The following TRRAP variants were observed in gnomAD, a reference collection of about 807,000 sequenced individuals.
TRRAP encodes the protein transformation/transcription domain associated protein, also known as transformation/transcription domain-associated protein.
A neutral mutation model predicts 438.8 loss-of-function variants in TRRAP; 41 were observed. The ratio of observed to expected loss-of-function variants is 0.09; its 90% CI spans 0.07 to 0.12. The LOEUF is 0.12. Ranked by LOEUF, TRRAP falls within the 10% of genes least tolerant of loss-of-function variation. The probability of loss-of-function intolerance (pLI) is 1.00; values close to 1 mark genes in which losing one functional copy is unlikely to be tolerated. For missense variants in TRRAP, 3,122 were observed against 5,055.1 expected (o/e 0.62, Z 11.60); for synonymous variants, 1,994 against 1,962.9 (o/e 1.02, Z -0.42).
At chr7:99,007,986 C>T (rs542219225) in intron 69 of TRRAP, among the ~76,000 whole-genome samples, 9 of 151,814 alleles carry the variant, frequency 5.9e-5, no homozygotes, top group East Asian at 2.0e-4. Flanking sequence ...CCACCACTCC[C>T]GGCTAATTTT....
At chr7:98,972,032 CT>C in intron 53 of TRRAP, 87 bp downstream of exon 53, 1 of 1,478,788 alleles carries the variant, frequency 6.8e-7, no homozygotes, top group South Asian at 1.4e-5. Context: ...AGCAGTGTAA[CT>C]TTTTCTGTTT....
chr7:98,880,635 G>A (rs1795386800), intron 1 of TRRAP, among the ~76,000 whole-genome samples: 1 of 152,140 alleles, frequency 6.6e-6, no homozygotes, highest in South Asian at 2.1e-4. Flanking sequence ...AAAGAGGAAG[G>A]ATATTTCATG....
At chr7:98,975,227 A>G (rs1792602709) in intron 53 of TRRAP, among the ~76,000 whole-genome samples, 1 of 152,194 alleles carries the variant, frequency 6.6e-6, no homozygotes, top group East Asian at 1.9e-4. Context: ...AAAGATTTGT[A>G]TCCTTGGTGT....
rs896070455 is a variant in TRRAP at position 98,976,761 on chromosome 7, G to A, written c.8238G>A (p.Pro2746=). The A allele has an allele frequency of 5.6e-6, 9 of 1,612,832 alleles. No individual in the cohort carries two copies. The highest frequency in any genetic ancestry group is 5.5e-5 in the South Asian group (5 of 91,074). ...TEFYEQESIT[P]PQQEILDSLA... ...TTTATGAGCAGGAGAGCATCACCCC[G>A]CCGCAGCAGGTGAGGGTGCGCCTCA... Residue 2746 remains proline, a synonymous_variant, in exon 55 of 73, where the codon CCG becomes CCA. Transcript: ENST00000456197. The surrounding 1 kb of genome is among the most constrained non-coding windows in gnomAD (Gnocchi z 4.6).
At position 98,958,051 on chromosome 7, in the gene TRRAP, C is replaced by G; in HGVS notation, c.6302C>G (p.Thr2101Arg). The G allele has an allele frequency of 1.2e-6, 2 of 1,614,214 alleles. No individual in the cohort carries two copies. Among genetic ancestry groups the G allele is most frequent in the Non-Finnish European group, 1.7e-6 (2 of 1,180,032 alleles). The change falls in exon 44 of 73, where the codon ACA (threonine) becomes AGA (arginine). Residue 2101 changes from threonine to arginine, a missense_variant. This residue lies in a region of TRRAP where 992 missense variants were observed against 1,281.2 expected (regional missense o/e 0.77). Coordinates refer to ENST00000456197, the MANE Select transcript of TRRAP (RefSeq NM_001375524.1). ...LLAKPIDKQH[T>R]DTVVNFLIRV... is the part of the protein sequence containing the mutation. Reference sequence around the variant, plus strand: ...GCCAAGCCCATTGACAAGCAGCACACAGACACTGTGGTGAACTTCCTTATC... The same window carrying G: ...GCCAAGCCCATTGACAAGCAGCACAGAGACACTGTGGTGAACTTCCTTATC...
intron 6 of TRRAP, among the ~76,000 whole-genome samples, chr7:98,894,713 A>G (rs1281789302): frequency 1.3e-5 from 2 of 151,172 alleles, no homozygotes; most frequent in African/African-American, 2.4e-5. Flanking sequence ...CCCGGATTCA[A>G]GCGATTCTCC....
intron 18 of TRRAP, among the ~76,000 whole-genome samples, chr7:98,914,020 C>G (rs1789404213): frequency 1.3e-5 from 2 of 152,174 alleles, no homozygotes; most frequent in Admixed American, 1.3e-4. Flanking sequence ...CTCCAGTAAC[C>G]TGTGCTTTCC....
At chr7:98,943,160 G>C (rs1790882503) in intron 31 of TRRAP, 143 bp downstream of exon 31, 1 of 761,132 alleles carries the variant, frequency 1.3e-6, no homozygotes, top group East Asian at 2.7e-5. Context: ...AAACACATTT[G>C]ATTGGTATTC....
At chr7:98,928,609 CTG>C (rs1483719746) in intron 23 of TRRAP, among the ~76,000 whole-genome samples, 1 of 152,206 alleles carries the variant, frequency 6.6e-6, no homozygotes, top group Non-Finnish European at 1.5e-5. Flanking sequence ...CTGTGGCCGA[CTG>C]TTCTCTGCCA....
At chr7:98,999,456 T>C in intron 67 of TRRAP, 2 of 853,260 alleles carry the variant, frequency 2.3e-6, no homozygotes, top group Non-Finnish European at 4.0e-6. Flanking sequence ...GGGCTTGAGC[T>C]ATCCTTCTCG....
chr7:98,945,805 G>A lies in TRRAP; in HGVS notation c.4527+5G>A. ...TCTCCATTCTGTCAGTTTGAGGTGAGAACAACCTATTAACAGTCAGTTTCT... is the reference window on the plus strand; with the variant it reads ...TCTCCATTCTGTCAGTTTGAGGTGAAAACAACCTATTAACAGTCAGTTTCT... On this transcript the variant is annotated splice_donor_5th_base_variant and intron_variant, in intron 32 of 72. Transcript: ENST00000456197. The A allele has an allele frequency of 6.3e-7, 1 of 1,598,132 alleles. No individual in the cohort carries two copies.
chr7:98,897,848 G>A lies in TRRAP; in HGVS notation c.615G>A (p.Glu205=), dbSNP rs143711528. 396 of 1,614,004 alleles carry A rather than the reference G, an allele frequency of 2.5e-4. No individual in the cohort carries two copies. In the African/African-American group the frequency reaches 4.1e-3, roughly 17 times the overall value. ...TIAVKVNPER[E]DSETRTHSII... Reference sequence around the variant, plus strand: ...CTGTGAAAGTCAACCCGGAGCGTGAGGACAGTGAGACTCGAACAGTAAGTG... The same window carrying A: ...CTGTGAAAGTCAACCCGGAGCGTGAAGACAGTGAGACTCGAACAGTAAGTG... Residue 205 remains glutamate, a synonymous_variant, in exon 8 of 73, where the codon GAG becomes GAA. Coordinates refer to ENST00000456197, the MANE Select transcript of TRRAP (RefSeq NM_001375524.1).
chr7:98,896,955 C>T (rs1179363909), intron 7 of TRRAP, among the ~76,000 whole-genome samples: 2 of 151,862 alleles, frequency 1.3e-5, no homozygotes, highest in African/African-American at 2.4e-5. Context: ...TGTGTTTTGG[C>T]CAGGGGCAGT....
intron 45 of TRRAP, among the ~76,000 whole-genome samples, chr7:98,960,981 A>T (rs781601807): frequency 4.6e-5 from 7 of 152,200 alleles, no homozygotes; most frequent in East Asian, 1.9e-4. Context: ...TCATTGCAGG[A>T]ACTTTTTTAG....
chr7:98,984,727 T>TAAG (rs2116767644), intron 61 of TRRAP, among the ~76,000 whole-genome samples: 1 of 152,338 alleles, frequency 6.6e-6, no homozygotes, highest in East Asian at 1.9e-4. Context: ...ATAAGACCCC[T>TAAG]AAGTATTTAG....
rs782727956 is a variant in TRRAP, at chr7:98,949,395, T to C, written c.4789-22T>C. 35 of 1,500,254 alleles carry C rather than the reference T, an allele frequency of 2.3e-5. No homozygotes were observed. The South Asian group carries it at 3.2e-4, about 14-fold the overall frequency. 92.9% of individuals were successfully genotyped at this position (1,500,254 alleles called of 1,614,324 possible). ...TGAGTTTGATTAGCTTAAAACGGCT[T>C]TTCTATTTGTTTTGCTTTCAGAGTT... is the stretch of plus-strand genomic sequence containing the variant. On this transcript the variant is annotated intron_variant, in intron 35 of 72. Transcript: ENST00000456197.
rs1404904554 is a variant in TRRAP, at chr7:98,994,335, GGCTTTTCTGTTTTC to G, written c.10048-245_10048-232del. ...ACGGGTGTATGATCCAAAAAAGTGG[GGCTTTTCTGTTTTC>G]GCTTTTTGAATGTTCAGGTCCCTTA... On this transcript the variant is annotated intron_variant, in intron 66 of 72. Coordinates refer to ENST00000456197, the MANE Select transcript of TRRAP (RefSeq NM_001375524.1). The surrounding 1 kb of genome is among the most constrained non-coding windows in gnomAD (Gnocchi z 4.8). 6.6e-6 allele frequency among the ~76,000 whole-genome samples: 1 copy of G among 152,130 alleles called. No homozygotes were observed. The highest frequency in any genetic ancestry group is 1.5e-5 in the Non-Finnish European group (1 of 68,026).
rs185438868 is a variant in TRRAP at position 98,884,597 on chromosome 7, G to A, written c.150+2573G>A. ...CTTCAGGCAGTGTCACCCTGTGTGT[G>A]TGCAGTCCAGCCCTCAGCTGTCCTC... is the stretch of plus-strand genomic sequence containing the variant. On this transcript the variant is annotated intron_variant, in intron 3 of 72. Coordinates refer to ENST00000456197, the MANE Select transcript of TRRAP (RefSeq NM_001375524.1). 2.1e-3 allele frequency among the ~76,000 whole-genome samples: 318 copies of A among 152,302 alleles called. 1 individual carries two copies. The highest frequency in any genetic ancestry group is 7.3e-3 in the African/African-American group (303 of 41,564).
At position 98,950,098 on chromosome 7, in the gene TRRAP, C is replaced by A. The variant is rs1791265333; in HGVS notation, c.5170C>A (p.Leu1724Met). 1 of 1,614,252 alleles carries A rather than the reference C, an allele frequency of 6.2e-7. No homozygotes were observed. Among genetic ancestry groups the A allele is most frequent in the African/African-American group, 1.3e-5 (1 of 75,062 alleles). The change falls in exon 38 of 73, where the codon CTG becomes ATG. Residue 1724 changes from leucine to methionine, a missense_variant. Physicochemically the swap from Leu to Met is conservative, Grantham distance 15. Coordinates refer to ENST00000456197, the MANE Select transcript of TRRAP (RefSeq NM_001375524.1). The stretch of plus-strand genomic sequence containing the variant: ...CGGAGATATAGAATTGCTGTTCCAG[C>A]TGCTCCGAGCCTTTACTGGTCGTTT... ...NYGDIELLFQ[L>M]LRAFTGRFLC... is the part of the protein sequence containing the mutation.
Sources: allele counts gnomAD v4.1 joint callset (sites outside exome capture counted in the v4.1 genomes callset), GRCh38; gene constraint gnomAD v4.1.1; regional missense constraint gnomAD v4.1.1; non-coding constraint Gnocchi (gnomAD v3.1); transcripts MANE v1.5; gene names NCBI Gene and HGNC (gene_info 2026-07-23, HGNC 2026-07-21).